SCN4A: variants seen among roughly 807,000 people sequenced by gnomAD.
The protein encoded by SCN4A is sodium voltage-gated channel alpha subunit 4, also known as sodium channel protein type 4 subunit alpha.
SCN4A carries 83 observed loss-of-function variants against 162.0 expected under a neutral mutation model. That is an observed-to-expected ratio of 0.51 (90% CI 0.43 to 0.61). SCN4A has a LOEUF of 0.61. Ranked by LOEUF, SCN4A falls within the 20% of genes least tolerant of loss-of-function variation. The pLI, the probability that SCN4A is intolerant of heterozygous loss-of-function variation, is 0.00. For synonymous variants in SCN4A, 944 were observed against 985.1 expected, an observed-to-expected ratio of 0.96 and a Z score of 0.78; for missense variants, 2,196 against 2,462.5, an observed-to-expected ratio of 0.89 and a Z score of 2.29.
At position 63,961,300 on chromosome 17, in the gene SCN4A, C is replaced by A. The variant is rs1189356397; in HGVS notation, c.1738G>T (p.Val580Leu). 6.2e-7 allele frequency: 1 copy of A among 1,613,740 alleles called. No homozygotes were observed. The highest frequency in any genetic ancestry group is 1.7e-5 in the Admixed American group (1 of 59,998). Reference protein sequence around the residue: ...IIHLIVMDPFVDLGITICIVL... With the variant: ...IIHLIVMDPFLDLGITICIVL... ...ATGCAGATGGTGATGCCCAGGTCCACGAACGGGTCCATGACGATCAGGTGG... is the reference window on the plus strand; with the variant it reads ...ATGCAGATGGTGATGCCCAGGTCCAAGAACGGGTCCATGACGATCAGGTGG... The change falls in exon 11 of 24, where the codon GTG becomes TTG. Residue 580 changes from valine (V) to leucine (L), a missense_variant. Val to Leu is a conservative substitution (Grantham distance 32). Coordinates refer to ENST00000435607, the MANE Select transcript of SCN4A (RefSeq NM_000334.4).
chr17:63,940,758 C>A lies in SCN4A; in HGVS notation c.*13G>T, dbSNP rs202238804. ...CTATGCCGAGACTCAGTGGGCCACC[C>A]CGATGCTGCCTGCTAGACAAGAGAC... is the stretch of plus-strand genomic sequence containing the variant. On this transcript the variant is annotated 3_prime_UTR_variant, in exon 24 of 24. Coordinates refer to ENST00000435607, the MANE Select transcript of SCN4A (RefSeq NM_000334.4). 6 of 1,546,748 alleles carry A rather than the reference C, an allele frequency of 3.9e-6. No homozygotes were observed. In the African/African-American group the frequency reaches 8.3e-5, roughly 21 times the overall value.
At chr17:63,947,014 A>G (rs1212117932) in intron 18 of SCN4A, 31 bp downstream of exon 18, 3 of 716,430 alleles carry the variant, frequency 4.2e-6, no homozygotes, top group East Asian at 4.3e-5. Flanking sequence ...CCCCATCCCC[A>G]GCCCACCCCA....
rs199656266 is a variant in SCN4A at position 63,951,483 on chromosome 17, C to A, written c.2794G>T (p.Asp932Tyr). The A allele has an allele frequency of 1.2e-6, 2 of 1,611,880 alleles. No individual in the cohort carries two copies. The highest frequency in any genetic ancestry group is 1.1e-5 in the South Asian group (1 of 91,036). Reference sequence around the variant, plus strand: ...TCCTCCTCGGTGGGCATCTCCAGGTCGGACTCCTCGGAGGCGATGGGCACC... The same window carrying A: ...TCCTCCTCGGTGGGCATCTCCAGGTAGGACTCCTCGGAGGCGATGGGCACC... ...IQVPIASEES[D>Y]LEMPTEEETD... The change falls in exon 14 of 24, where the codon GAC becomes TAC. Residue 932 changes from aspartate to tyrosine, a missense_variant. Physicochemically the swap from Asp to Tyr is radical, Grantham distance 160. Transcript: ENST00000435607. This position sits in a 1 kb window ranked among gnomAD's most constrained non-coding sequence, Gnocchi z 4.5.
At position 63,951,490 on chromosome 17, in the gene SCN4A, C is replaced by T. The variant is rs1908905389; in HGVS notation, c.2787G>A (p.Glu929=). Residue 929 remains glutamate, a synonymous_variant, in exon 14 of 24, where the codon GAG becomes GAA. Coordinates refer to ENST00000435607, the MANE Select transcript of SCN4A (RefSeq NM_000334.4). The surrounding 1 kb of genome is among the most constrained non-coding windows in gnomAD (Gnocchi z 4.5). Reference sequence around the variant, plus strand: ...CGGTGGGCATCTCCAGGTCGGACTCCTCGGAGGCGATGGGCACCTGTATGG... The same window carrying T: ...CGGTGGGCATCTCCAGGTCGGACTCTTCGGAGGCGATGGGCACCTGTATGG... ...YLTIQVPIAS[E]ESDLEMPTEE... 1 of 1,613,690 alleles carries T rather than the reference C, an allele frequency of 6.2e-7. No individual in the cohort carries two copies. The highest frequency in any genetic ancestry group is 8.5e-7 in the Non-Finnish European group (1 of 1,179,654).
At chr17:63,968,922 C>T (rs1330323126) in intron 5 of SCN4A, among the ~76,000 whole-genome samples, 1 of 152,170 alleles carries the variant, frequency 6.6e-6, no homozygotes, top group Admixed American at 6.5e-5. Context: ...TCACTGCAAC[C>T]TCTGCCTCCT....
chr17:63,948,087 G>A, intron 16 of SCN4A, 24 bp from the exon 17 acceptor site: 1 of 1,577,692 alleles, frequency 6.3e-7, no homozygotes, highest in Admixed American at 1.7e-5. Flanking sequence ...CACCACCAGG[G>A]TGGCTGGGGT....
Position 63,949,398 on chromosome 17 carries a change from G to T in SCN4A, c.2984C>A (p.Thr995Asn). The T allele has an allele frequency of 1.3e-6, 2 of 1,577,174 alleles. No homozygotes were observed. Among genetic ancestry groups the T allele is most frequent in the Admixed American group, 1.8e-5 (1 of 54,624 alleles). ...PEGEQPEECFTEACVQRWPCL... is the reference protein window; with the variant it reads ...PEGEQPEECFNEACVQRWPCL... ...GAGGTGAGGGGTGCCCTCACCCTCA[G>T]TGAAGCACTCCTCAGGCTGCTCCCC... The change falls in exon 15 of 24, where the codon ACT becomes AAT. Residue 995 changes from threonine (T) to asparagine (N), a missense_variant. Coordinates refer to ENST00000435607, the MANE Select transcript of SCN4A (RefSeq NM_000334.4).
chr17:63,972,299 C>G lies in SCN4A; in HGVS notation c.392+53G>C. ...TAGAGGGTCTCCTGGGCCACAGCAC[C>G]CCATCTCGCCCATCCCTAACCCCTC... On this transcript the variant is annotated intron_variant, in intron 2 of 23. Transcript: ENST00000435607. This position sits in a 1 kb window ranked among gnomAD's most constrained non-coding sequence, Gnocchi z 4.3. 6 of 1,585,132 alleles carry G rather than the reference C, an allele frequency of 3.8e-6. No homozygotes were observed. Among genetic ancestry groups the G allele is most frequent in the Non-Finnish European group, 5.2e-6 (6 of 1,159,030 alleles).
chr17:63,971,263 G>A lies in SCN4A; in HGVS notation c.612-10C>T. ...AAACTCTGTCAGGTACCTGGGTAGG[G>A]GGTGGAGGGGGGTGGGGACTGTCAG... On this transcript the variant is annotated splice_polypyrimidine_tract_variant and intron_variant, in intron 4 of 23. Coordinates refer to ENST00000435607, the MANE Select transcript of SCN4A (RefSeq NM_000334.4). The A allele has an allele frequency of 6.8e-7, 1 of 1,469,018 alleles. No individual in the cohort carries two copies. Among genetic ancestry groups the A allele is most frequent in the Non-Finnish European group, 9.3e-7 (1 of 1,072,214 alleles). 91.0% of individuals were successfully genotyped at this position (1,469,018 alleles called of 1,614,324 possible).
Position 63,963,785 on chromosome 17 carries a change from C to T in SCN4A, c.1493G>A (p.Gly498Glu), listed in dbSNP as rs1425346179. ...AQALEGGEAD[G>E]DPAHGKDCNG... Reference sequence around the variant, plus strand: ...GCAGTCTTTGCCATGGGCTGGGTCCCCATCTGCCTCCCCACCTTCCAGAGC... The same window carrying T: ...GCAGTCTTTGCCATGGGCTGGGTCCTCATCTGCCTCCCCACCTTCCAGAGC... The change falls in exon 10 of 24, where the codon GGG becomes GAG. Residue 498 changes from glycine (G) to glutamate (E), a missense_variant. By Grantham distance (98) the Gly-to-Glu change is moderately conservative (BLOSUM62 -2). Transcript: ENST00000435607. 1 of 1,606,698 alleles carries T rather than the reference C, an allele frequency of 6.2e-7. No homozygotes were observed. The highest frequency in any genetic ancestry group is 2.2e-5 in the East Asian group (1 of 44,612).
chr17:63,972,729 C>A lies in SCN4A; in HGVS notation c.113G>T (p.Arg38Leu), dbSNP rs772546656. The A allele has an allele frequency of 6.2e-7, 1 of 1,613,652 alleles. No homozygotes were observed. Among genetic ancestry groups the A allele is most frequent in the Non-Finnish European group, 8.5e-7 (1 of 1,179,778 alleles). Residue 38 changes from arginine (R) to leucine (L), a missense_variant, in exon 1 of 24, where the codon CGG (arginine) becomes CTG (leucine). By Grantham distance (102) the Arg-to-Leu change is moderately radical. Coordinates refer to ENST00000435607, the MANE Select transcript of SCN4A (RefSeq NM_000334.4). The surrounding 1 kb of genome is among the most constrained non-coding windows in gnomAD (Gnocchi z 4.3). ...CTCCATCTGCTTATTCCGCTGCAGC[C>A]GGGCCTCCTCCTCCACCGCCCGCTG... ...IEQRAVEEEA[R>L]LQRNKQMEIE... is the part of the protein sequence containing the mutation.
rs1908674735 is a variant in SCN4A, at chr17:63,945,239, A to T, written c.3720+121T>A. On this transcript the variant is annotated intron_variant, in intron 19 of 23. Transcript: ENST00000435607. This position sits in a 1 kb window ranked among gnomAD's most constrained non-coding sequence, Gnocchi z 4.4. The stretch of plus-strand genomic sequence containing the variant: ...AGACACTGCCTGGGGATCCCACAGC[A>T]TTGGAAGCAGGGTGGGCGGTCCCCT... 9.8e-7 allele frequency: 1 copy of T among 1,022,070 alleles called. No individual in the cohort carries two copies. Among genetic ancestry groups the T allele is most frequent in the Admixed American group, 2.2e-5 (1 of 45,756 alleles). 63.3% of individuals were successfully genotyped at this position (1,022,070 alleles called of 1,614,324 possible). A position where few individuals can be genotyped will look rare whatever the true frequency, so the allele number is the denominator to read the frequency against.
intron 18 of SCN4A, among the ~76,000 whole-genome samples, chr17:63,946,831 G>A (rs1361294928): frequency 6.6e-6 from 1 of 152,114 alleles, no homozygotes; most frequent in Non-Finnish European, 1.5e-5. Context: ...CTGGATCGGG[G>A]GCTGAGAGTG....
Position 63,961,431 on chromosome 17 carries a change from T to A in SCN4A, c.1607A>T (p.Glu536Val). The change falls in exon 11 of 24, where the codon GAA becomes GTA. Residue 536 changes from glutamate (E) to valine (V), a missense_variant and splice_region_variant. Physicochemically the swap from Glu to Val is moderately radical, Grantham distance 121 (BLOSUM62 -2). Transcript: ENST00000435607. ...GCACTTTTGGTGGGCCTCTTCCAGT[T>A]CTGGGAGAGGGGTGGTAGCAGGTAT... ...GDSGISDAME[E>V]LEEAHQKCPP... is the part of the protein sequence containing the mutation. 1 of 1,604,360 alleles carries A rather than the reference T, an allele frequency of 6.2e-7. No individual in the cohort carries two copies. The highest frequency in any genetic ancestry group is 8.5e-7 in the Non-Finnish European group (1 of 1,171,308).
chr17:63,967,316 C>T (rs932413703), intron 6 of SCN4A, among the ~76,000 whole-genome samples: 2 of 151,946 alleles, frequency 1.3e-5, no homozygotes, highest in African/African-American at 2.4e-5. Flanking sequence ...CCACGCCCGG[C>T]TAATTTTTGT....
chr17:63,971,303 G>A (rs1909602306), intron 4 of SCN4A, 50 bp from the exon 5 acceptor site: 2 of 1,006,604 alleles, frequency 2.0e-6, no homozygotes, highest in Non-Finnish European at 3.1e-6. Context: ...TGGGGTGGGT[G>A]GTAGGACAGA....
At chr17:63,954,537 T>C (rs1476949506) in intron 13 of SCN4A, among the ~76,000 whole-genome samples, 1 of 151,692 alleles carries the variant, frequency 6.6e-6, no homozygotes, top group Non-Finnish European at 1.5e-5. Context: ...TCCCTGGGGG[T>C]TCTGTGCTTT....
rs1223577650 is a variant in SCN4A at position 63,939,333 on chromosome 17, A to T, written c.*1438T>A. 3.3e-5 allele frequency: 5 copies of T among 152,386 alleles called. No individual in the cohort carries two copies. The highest frequency in any genetic ancestry group is 1.2e-4 in the African/African-American group (5 of 41,446). The allele number at this position is 152,386 out of a possible 1,614,324, so 9.4% of individuals were successfully genotyped here. On this transcript the variant is annotated 3_prime_UTR_variant, in exon 24 of 24. Transcript: ENST00000435607. The stretch of plus-strand genomic sequence containing the variant: ...ACAGGCCTGCACAGTATGACACACC[A>T]GCCGTACTCCATGGACCTTGAAACA...
At position 63,941,223 on chromosome 17, in the gene SCN4A, C is replaced by A; in HGVS notation, c.5059G>T (p.Val1687Phe). Residue 1687 changes from valine (V) to phenylalanine (F), a missense_variant, in exon 24 of 24, where the codon GTC becomes TTC. By Grantham distance (50) the Val-to-Phe change is conservative. Transcript: ENST00000435607. This position sits in a 1 kb window ranked among gnomAD's most constrained non-coding sequence, Gnocchi z 6.2. ...TCCATTTCCCCAGAGTCACCCAGGA[C>A]CTCTTTGGTCAGGGCAAAGAGGATG... ...LDILFALTKE[V>F]LGDSGEMDAL... The A allele has an allele frequency of 6.2e-7, 1 of 1,613,810 alleles. No homozygotes were observed. Among genetic ancestry groups the A allele is most frequent in the Non-Finnish European group, 8.5e-7 (1 of 1,179,838 alleles).
Sources: gnomAD v4.1 joint callset for allele counts (sites outside exome capture counted in the v4.1 genomes callset) on GRCh38, gnomAD v4.1.1 for gene constraint, Gnocchi (gnomAD v3.1) non-coding constraint, MANE v1.5 for transcripts, NCBI Gene and HGNC (gene_info 2026-07-23, HGNC 2026-07-21) for gene names.